ZC3H12D: variants seen among roughly 807,000 people sequenced by gnomAD.
ZC3H12D encodes zinc finger CCCH-type containing 12D, also known as probable ribonuclease ZC3H12D.
In ZC3H12D, 11 loss-of-function variants were observed where a neutral mutation model predicts 24.2. The ratio of observed to expected loss-of-function variants is 0.46; its 90% CI spans 0.29 to 0.75. The LOEUF is 0.75. Ranked by LOEUF, ZC3H12D falls within the 30% of genes least tolerant of loss-of-function variation. The pLI is 0.11. For synonymous variants in ZC3H12D, 333 were observed against 341.8 expected (o/e 0.97, Z 0.28); for missense variants, 740 against 767.7 (o/e 0.96, Z 0.43).
chr6:149,473,520 C>T (rs1229043872), intron 2 of ZC3H12D, among the ~76,000 whole-genome samples: 1 of 152,186 alleles, frequency 6.6e-6, no homozygotes, highest in Non-Finnish European at 1.5e-5. Context: ...GATTCCGTCA[C>T]AGGGGAGCTT....
rs937052589 is a variant in ZC3H12D, at chr6:149,452,967, A to G, written c.681-245T>C. On this transcript the variant is annotated intron_variant, in intron 4 of 5. Coordinates refer to ENST00000409806, the MANE Select transcript of ZC3H12D (RefSeq NM_207360.3). This position sits in a 1 kb window ranked among gnomAD's most constrained non-coding sequence, Gnocchi z 4.0. Reference sequence around the variant, plus strand: ...TTCTCCTGTTGTGGTTCAAGCCAGCAGTGTCAGAATCACCTAGCAACTTAA... The same window carrying G: ...TTCTCCTGTTGTGGTTCAAGCCAGCGGTGTCAGAATCACCTAGCAACTTAA... 6.6e-6 allele frequency among the ~76,000 whole-genome samples: 1 copy of G among 152,134 alleles called. No homozygotes were observed. Among genetic ancestry groups the G allele is most frequent in the African/African-American group, 2.4e-5 (1 of 41,434 alleles).
At chr6:149,481,709 C>T (rs1344968223) in intron 1 of ZC3H12D, among the ~76,000 whole-genome samples, 2 of 148,726 alleles carry the variant, frequency 1.3e-5, no homozygotes, top group Admixed American at 6.6e-5. Flanking sequence ...CTTCCCGTTA[C>T]ACCTGGTGGG....
intron 1 of ZC3H12D, among the ~76,000 whole-genome samples, chr6:149,482,160 A>G (rs1479784040): frequency 1.3e-5 from 2 of 152,274 alleles, no homozygotes; most frequent in South Asian, 2.1e-4. Context: ...GAAAGAATGC[A>G]TCTACTTCAG....
chr6:149,484,368 A>C (rs1419690282), intron 1 of ZC3H12D, among the ~76,000 whole-genome samples: 1 of 152,226 alleles, frequency 6.6e-6, no homozygotes, highest in South Asian at 2.1e-4. Flanking sequence ...TAGGCTTCCC[A>C]TAGATGATAA....
chr6:149,482,527 G>A (rs962096075), intron 1 of ZC3H12D, among the ~76,000 whole-genome samples: 12 of 152,310 alleles, frequency 7.9e-5, no homozygotes, highest in East Asian at 5.8e-4. Flanking sequence ...TTGTCAGAGC[G>A]GGCTGCTGGG....
chr6:149,450,427 G>C lies in ZC3H12D; in HGVS notation c.*256C>G. On this transcript the variant is annotated 3_prime_UTR_variant, in exon 6 of 6. Coordinates refer to ENST00000409806, the MANE Select transcript of ZC3H12D (RefSeq NM_207360.3). ...ACTGCAGCTTGGACCCGCAGTCTCCGTGCACATGGAAAATCATTCCCTCCA... is the reference window on the plus strand; with the variant it reads ...ACTGCAGCTTGGACCCGCAGTCTCCCTGCACATGGAAAATCATTCCCTCCA... The C allele has an allele frequency of 2.1e-6, 1 of 477,804 alleles. No homozygotes were observed. Among genetic ancestry groups the C allele is most frequent in the Non-Finnish European group, 3.7e-6 (1 of 270,558 alleles). The allele number at this position is 477,804 out of a possible 1,614,324, so 29.6% of individuals were successfully genotyped here.
intron 3 of ZC3H12D, among the ~76,000 whole-genome samples, chr6:149,458,123 C>CTT (rs1776014908): frequency 1.1e-4 from 5 of 47,160 alleles, no homozygotes; most frequent in African/African-American, 6.0e-4. Context: ...TTTTTTTTTT[C>CTT]GTTTCTTTTT....
chr6:149,459,819 AG>A (rs1776043888), intron 3 of ZC3H12D: 2 of 660,526 alleles, frequency 3.0e-6, no homozygotes, highest in East Asian at 5.4e-5. Flanking sequence ...GCTCCATGCC[AG>A]GTATACTAAA....
intron 1 of ZC3H12D, 73 bp from the exon 2 acceptor site, chr6:149,474,686 T>A: frequency 2.8e-6 from 2 of 710,280 alleles, no homozygotes; most frequent in Non-Finnish European, 4.0e-6. Flanking sequence ...GTGCCTGCGC[T>A]GGCTCCCTCC....
intron 1 of ZC3H12D, among the ~76,000 whole-genome samples, chr6:149,480,097 C>T (rs1776401699): frequency 6.6e-6 from 1 of 152,178 alleles, no homozygotes; most frequent in Non-Finnish European, 1.5e-5. Context: ...GTGTAAGAAA[C>T]ATTTGCCGCT....
chr6:149,474,747 C>T, intron 1 of ZC3H12D, 134 bp from the exon 2 acceptor site: 1 of 434,890 alleles, frequency 2.3e-6, no homozygotes, highest in South Asian at 8.6e-5. Flanking sequence ...TGGGGACTTT[C>T]AGTTGCTCAA....
chr6:149,478,082 G>A (rs569302696), intron 1 of ZC3H12D, among the ~76,000 whole-genome samples: 15 of 150,298 alleles, frequency 1.0e-4, no homozygotes, highest in East Asian at 2.0e-4. Flanking sequence ...CAGGAGAATC[G>A]CTTGAACCCA....
At chr6:149,470,974 G>A (rs1156735607) in intron 2 of ZC3H12D, among the ~76,000 whole-genome samples, 2 of 152,188 alleles carry the variant, frequency 1.3e-5, no homozygotes, top group Non-Finnish European at 2.9e-5. Flanking sequence ...TTTCCTTTAT[G>A]GGGTACAGCA....
At chr6:149,467,627 A>T (rs552261025) in intron 2 of ZC3H12D, among the ~76,000 whole-genome samples, 32 of 152,134 alleles carry the variant, frequency 2.1e-4, no homozygotes, top group Non-Finnish European at 4.1e-4. Context: ...TCATTTAATC[A>T]TTACAAGAAG....
chr6:149,461,786 G>A (rs773976131), intron 3 of ZC3H12D, 45 bp downstream of exon 3: 556 of 1,522,502 alleles, frequency 3.7e-4, no homozygotes, highest in Non-Finnish European at 4.6e-4. Context: ...GTGCACCAAG[G>A]AAACGTGTCT....
At chr6:149,470,928 C>T (rs945482848) in intron 2 of ZC3H12D, among the ~76,000 whole-genome samples, 4 of 152,208 alleles carry the variant, frequency 2.6e-5, no homozygotes, top group Non-Finnish European at 5.9e-5. Context: ...GTTGGGCAGC[C>T]CTGGCCTAGC....
At chr6:149,470,725 G>A (rs565664833) in intron 2 of ZC3H12D, among the ~76,000 whole-genome samples, 9 of 152,186 alleles carry the variant, frequency 5.9e-5, no homozygotes, top group Middle Eastern at 3.4e-3. Flanking sequence ...AGGGACAGCT[G>A]TACAGTCCAA....
At chr6:149,455,758 T>G (rs998628319) in intron 4 of ZC3H12D, among the ~76,000 whole-genome samples, 2 of 152,058 alleles carry the variant, frequency 1.3e-5, no homozygotes, top group Non-Finnish European at 2.9e-5. Context: ...GATTCTGGGC[T>G]GGGCTCAGTG....
intron 4 of ZC3H12D, among the ~76,000 whole-genome samples, chr6:149,453,143 A>G (rs867078937): frequency 4.2e-4 from 63 of 151,780 alleles, no homozygotes; most frequent in Non-Finnish European, 6.3e-4. Flanking sequence ...AAAAAAAAAA[A>G]AAAGAAAATT....
Sources: gnomAD v4.1 joint callset for allele counts (sites outside exome capture counted in the v4.1 genomes callset) on GRCh38, gnomAD v4.1.1 for gene constraint, Gnocchi (gnomAD v3.1) non-coding constraint, MANE v1.5 for transcripts, NCBI Gene and HGNC (gene_info 2026-07-23, HGNC 2026-07-21) for gene names.